Variants in POC1B observed in about 807,000 individuals in gnomAD.
POC1B encodes POC1 centriolar protein B.
POC1B carries 44 observed loss-of-function variants against 60.6 expected under a neutral mutation model. The observed-to-expected ratio is 0.73, with a 90% CI of 0.57 to 0.93. POC1B has a LOEUF of 0.93. POC1B is among the 40% of genes least tolerant of loss of function. The pLI is 0.00. For missense variants in POC1B, 555 were observed against 572.3 expected (o/e 0.97, Z 0.31); for synonymous variants, 180 against 198.9 (o/e 0.90, Z 0.80).
chr12:89,471,539 A>T lies in POC1B; in HGVS notation c.676+75T>A, dbSNP rs895935947. The T allele has an allele frequency of 2.4e-6, 3 of 1,229,126 alleles. No individual in the cohort carries two copies. The African/African-American group carries it at 4.5e-5, about 19-fold the overall frequency. 76.1% of individuals were successfully genotyped at this position (1,229,126 alleles called of 1,614,324 possible). A position where few individuals can be genotyped will look rare whatever the true frequency, so the allele number is the denominator to read the frequency against. On this transcript the variant is annotated intron_variant, in intron 6 of 11. Transcript: ENST00000313546. ...TGACCCCAAGTAAGACAGCCAAACCACACCAACAAGGAGAATCAGTCCTTC... is the reference window on the plus strand; with the variant it reads ...TGACCCCAAGTAAGACAGCCAAACCTCACCAACAAGGAGAATCAGTCCTTC...
chr12:89,491,041 C>G (rs1196112154), intron 4 of POC1B, among the ~76,000 whole-genome samples: 1 of 152,116 alleles, frequency 6.6e-6, no homozygotes, highest in Non-Finnish European at 1.5e-5. Flanking sequence ...GAGGAGGGCA[C>G]TACACTGGCA....
chr12:89,432,258 C>G (rs997975036), intron 10 of POC1B, among the ~76,000 whole-genome samples: 1 of 151,640 alleles, frequency 6.6e-6, no homozygotes, highest in African/African-American at 2.4e-5. Context: ...TTGCGGCATG[C>G]ACCCGTAGTC....
At chr12:89,475,894 A>G (rs552181639) in intron 4 of POC1B, among the ~76,000 whole-genome samples, 1 of 151,468 alleles carries the variant, frequency 6.6e-6, no homozygotes, top group African/African-American at 2.4e-5. Context: ...TATTCACTCA[A>G]AAGAATGAGG....
intron 2 of POC1B, chr12:89,521,490 A>G (rs1870867635): frequency 6.6e-6 from 1 of 152,300 alleles, no homozygotes; most frequent in Non-Finnish European, 1.5e-5. Flanking sequence ...AACATTACCT[A>G]TGTCAAAAGT....
At chr12:89,525,470 G>T in intron 1 of POC1B, 8 of 1,340,770 alleles carry the variant, frequency 6.0e-6, no homozygotes, top group Non-Finnish European at 6.7e-6. Flanking sequence ...CAGGAACCGC[G>T]GCCCCTTTGA....
At chr12:89,417,366 A>G (rs1371276124), downstream of POC1B, among the ~76,000 whole-genome samples, 1 of 152,204 alleles carries the variant, frequency 6.6e-6, no homozygotes, top group Non-Finnish European at 1.5e-5. Context: ...CTGCTGTTCC[A>G]CTTTAACCAA....
At chr12:89,455,620 C>A (rs1157897897) in intron 10 of POC1B, among the ~76,000 whole-genome samples, 1 of 152,206 alleles carries the variant, frequency 6.6e-6, no homozygotes, top group Non-Finnish European at 1.5e-5. Flanking sequence ...ACATCTTCAA[C>A]TATTTTGATT....
intron 2 of POC1B, chr12:89,523,968 A>G (rs772901311): frequency 6.3e-5 from 101 of 1,613,762 alleles, no homozygotes; most frequent in Non-Finnish European, 7.4e-5. Context: ...AGCGTACTCT[A>G]TCAAGATTGC....
At chr12:89,522,455 A>C (rs576262550) in intron 2 of POC1B, 2 of 356,798 alleles carry the variant, frequency 5.6e-6, no homozygotes, top group African/African-American at 4.2e-5. Flanking sequence ...GTGAACTTAC[A>C]CATCAACATA....
chr12:89,503,384 C>G (rs10858886), intron 2 of POC1B, among the ~76,000 whole-genome samples: 29,158 of 140,734 alleles, frequency 0.21, 3,071 homozygotes, highest in South Asian at 0.38. Flanking sequence ...CCCGAGGTGC[C>G]GGGATTGCAG....
intron 10 of POC1B, among the ~76,000 whole-genome samples, chr12:89,457,541 C>G (rs1333206253): frequency 6.6e-6 from 1 of 152,172 alleles, no homozygotes; most frequent in Non-Finnish European, 1.5e-5. Flanking sequence ...TACAATCTAC[C>G]TAGATGGGAG....
rs752954312 is a variant in POC1B, at chr12:89,491,963, C to A, written c.425G>T (p.Arg142Leu). ...YRQRFLYSLYRHTHWVRCAKF... is the reference protein window; with the variant it reads ...YRQRFLYSLYLHTHWVRCAKF... ...GGCACAGCGTACCCAGTGTGTATGT[C>A]GATACAAGGAATACAGGAAGCGCTG... Residue 142 changes from arginine (R) to leucine (L), a missense_variant, in exon 4 of 12, where the codon CGA becomes CTA. Physicochemically the swap from Arg to Leu is moderately radical, Grantham distance 102. Transcript: ENST00000313546. 3.2e-5 allele frequency: 51 copies of A among 1,575,430 alleles called. No homozygotes were observed. The highest frequency in any genetic ancestry group is 4.1e-5 in the Non-Finnish European group (48 of 1,165,524).
At chr12:89,482,616 T>C (rs923995033) in intron 4 of POC1B, among the ~76,000 whole-genome samples, 2 of 152,198 alleles carry the variant, frequency 1.3e-5, no homozygotes, top group African/African-American at 2.4e-5. Flanking sequence ...AAATGATTGC[T>C]GGCTTAACAT....
chr12:89,479,149 T>C (rs1457141887), intron 4 of POC1B, among the ~76,000 whole-genome samples: 2 of 152,216 alleles, frequency 1.3e-5, no homozygotes, highest in African/African-American at 4.8e-5. Context: ...TTGTGTATAA[T>C]AGATACCTCA....
chr12:89,442,138 C>A (rs770040634), intron 10 of POC1B, among the ~76,000 whole-genome samples: 1 of 152,112 alleles, frequency 6.6e-6, no homozygotes. Flanking sequence ...ACTGGTGTAC[C>A]GGAAAGTGAT....
At chr12:89,473,182 G>A (rs1034687295) in intron 4 of POC1B, among the ~76,000 whole-genome samples, 1 of 152,124 alleles carries the variant, frequency 6.6e-6, no homozygotes, top group Non-Finnish European at 1.5e-5. Context: ...TTCCCTCTAT[G>A]CCCACAGTAA....
intron 10 of POC1B, among the ~76,000 whole-genome samples, chr12:89,452,745 G>C (rs1286869297): frequency 6.6e-6 from 1 of 151,752 alleles, no homozygotes; most frequent in African/African-American, 2.4e-5. Context: ...TTTTATTACG[G>C]TGATACTGTT....
At chr12:89,405,500 G>A in the POC1B span, among the ~76,000 whole-genome samples, 5 of 152,136 alleles carry the variant, frequency 3.3e-5, no homozygotes, top group South Asian at 4.1e-4. Flanking sequence ...AAAATTAGCC[G>A]GGCATGGTGG....
intron 10 of POC1B, chr12:89,427,941 A>C (rs1430893085): frequency 6.6e-6 from 1 of 152,234 alleles, no homozygotes; most frequent in Non-Finnish European, 1.5e-5. Flanking sequence ...CTCTGAGCTA[A>C]AGGAACTAGG....
Sources: gnomAD v4.1 joint callset for allele counts (sites outside exome capture counted in the v4.1 genomes callset) on GRCh38, gnomAD v4.1.1 for gene constraint, MANE v1.5 for transcripts, NCBI Gene and HGNC (gene_info 2026-07-23, HGNC 2026-07-21) for gene names.